Variants in CHURC1 observed in about 807,000 individuals in gnomAD.
CHURC1 encodes the protein churchill domain containing 1, also known as protein Churchill.
CHURC1 carries 12 observed loss-of-function variants against 15.4 expected under a neutral mutation model. The observed-to-expected ratio is 0.78, with a 90% CI of 0.50 to 1.27. CHURC1 has a LOEUF of 1.27. CHURC1 is among the 50% of genes most tolerant of loss of function. The pLI is 0.00. For missense variants in CHURC1, 132 were observed against 137.8 expected, an observed-to-expected ratio of 0.96 and a Z score of 0.21; for synonymous variants, 42 against 47.5, an observed-to-expected ratio of 0.88 and a Z score of 0.48.
chr14:64,932,351 T>G lies in CHURC1; in HGVS notation c.*121T>G. 3 of 1,470,030 alleles carry G rather than the reference T, an allele frequency of 2.0e-6. No homozygotes were observed. Among genetic ancestry groups the G allele is most frequent in the Non-Finnish European group, 2.7e-6 (3 of 1,108,766 alleles). The allele number at this position is 1,470,030 out of a possible 1,614,324, so 91.1% of individuals were successfully genotyped here. ...TGCATATTTTTTTTCTGCTTAGACT[T>G]ACTTATTCTTTGAGGAAAAAAGGTA... On this transcript the variant is annotated 3_prime_UTR_variant, in exon 4 of 4. Transcript: ENST00000549115.
At chr14:64,915,207 A>G (rs1883786617) in intron 1 of CHURC1, among the ~76,000 whole-genome samples, 1 of 152,240 alleles carries the variant, frequency 6.6e-6, no homozygotes, top group South Asian at 2.1e-4. Flanking sequence ...GCTGTTGCCC[A>G]GGCTGGTCTC....
At chr14:64,929,354 G>A (rs1172267192) in intron 3 of CHURC1, among the ~76,000 whole-genome samples, 5 of 152,114 alleles carry the variant, frequency 3.3e-5, no homozygotes, top group African/African-American at 1.2e-4. Flanking sequence ...TGCTCTTCAA[G>A]CCTATGCATC....
intron 1 of CHURC1, among the ~76,000 whole-genome samples, chr14:64,917,788 C>T (rs902105581): frequency 2.0e-5 from 3 of 152,118 alleles, no homozygotes; most frequent in Non-Finnish European, 4.4e-5. Flanking sequence ...GAGACCTATA[C>T]ATGATCACAT....
chr14:64,928,704 C>T (rs1445821661), intron 3 of CHURC1, among the ~76,000 whole-genome samples: 1 of 149,952 alleles, frequency 6.7e-6, no homozygotes, highest in Non-Finnish European at 1.5e-5. Flanking sequence ...TTCTCTCTTA[C>T]ATGGCTTCTG....
At chr14:64,925,002 A>C (rs923525939) in intron 2 of CHURC1, among the ~76,000 whole-genome samples, 1 of 152,172 alleles carries the variant, frequency 6.6e-6, no homozygotes, top group African/African-American at 2.4e-5. Flanking sequence ...TCTTTTTAGC[A>C]TATGTTTTCT....
In CHURC1 at chr14:64,932,341, T is replaced by G; in HGVS notation, c.*111T>G. 6.7e-7 allele frequency: 1 copy of G among 1,502,434 alleles called. No homozygotes were observed. 93.1% of individuals were successfully genotyped at this position (1,502,434 alleles called of 1,614,324 possible). On this transcript the variant is annotated 3_prime_UTR_variant, in exon 4 of 4. Coordinates refer to ENST00000549115, the MANE Select transcript of CHURC1 (RefSeq NM_001386928.1). ...GAAAATTCTTTGCATATTTTTTTTC[T>G]GCTTAGACTTACTTATTCTTTGAGG...
chr14:64,927,979 A>G (rs191250383), intron 3 of CHURC1, among the ~76,000 whole-genome samples: 13 of 152,026 alleles, frequency 8.6e-5, no homozygotes, highest in African/African-American at 2.9e-4. Context: ...CTACAGTACA[A>G]TATCCAAGCT....
At chr14:64,926,192 A>G in intron 3 of CHURC1, 112 bp downstream of exon 3, 1 of 514,950 alleles carries the variant, frequency 1.9e-6, no homozygotes, top group Non-Finnish European at 3.2e-6. Context: ...GCGTTAGCAT[A>G]TATTAAAGGA....
At chr14:64,930,159 G>T (rs531888495) in intron 3 of CHURC1, among the ~76,000 whole-genome samples, 1 of 151,468 alleles carries the variant, frequency 6.6e-6, no homozygotes, top group Non-Finnish European at 1.5e-5. Context: ...AGGTAATTCC[G>T]CCCACTCTGC....
intron 3 of CHURC1, among the ~76,000 whole-genome samples, chr14:64,926,766 C>A (rs1884739559): frequency 6.6e-6 from 1 of 152,108 alleles, no homozygotes; most frequent in African/African-American, 2.4e-5. Flanking sequence ...AACACAGAAC[C>A]ACTGTGAAGC....
Position 64,934,491 on chromosome 14 carries a change from T to C in CHURC1, c.*2261T>C. ...GGATCTGGCAAGGTTAGGAAGAGGT[T>C]AAGAATATCAGTGACAGTACTCTGA... On this transcript the variant is annotated 3_prime_UTR_variant, in exon 4 of 4. Transcript: ENST00000549115. 3.0e-6 allele frequency: 3 copies of C among 985,442 alleles called. No homozygotes were observed. The African/African-American group carries it at 5.2e-5, about 17-fold the overall frequency. The allele number at this position is 985,442 out of a possible 1,614,324, so 61.0% of individuals were successfully genotyped here. A position where few individuals can be genotyped will look rare whatever the true frequency, so the allele number is the denominator to read the frequency against.
intron 1 of CHURC1, among the ~76,000 whole-genome samples, chr14:64,920,516 G>C (rs1296210650): frequency 6.6e-6 from 1 of 152,176 alleles, no homozygotes; most frequent in East Asian, 1.9e-4. Context: ...GCTTTCAAAT[G>C]ACCAGGGCTC....
chr14:64,927,716 ACC>A lies in CHURC1; in HGVS notation c.246+1646_246+1647del, dbSNP rs1172402751. Reference sequence around the variant, plus strand: ...CTACTCCCAGTCTACTTCTCCCCCCACCCCCCCCCCCGCCGTCAATTCATACT... The same window carrying A: ...CTACTCCCAGTCTACTTCTCCCCCCACCCCCCCCCGCCGTCAATTCATACT... On this transcript the variant is annotated intron_variant, in intron 3 of 3. Transcript: ENST00000549115. 2.2e-4 allele frequency among the ~76,000 whole-genome samples: 9 copies of A among 40,706 alleles called. No individual in the cohort carries two copies. The South Asian group carries it at 4.7e-3, about 21-fold the overall frequency. 26.7% of individuals were successfully genotyped at this position (40,706 alleles called of 152,430 possible).
At position 64,934,982 on chromosome 14, in the gene CHURC1, A is replaced by G. The variant is rs1206765628; in HGVS notation, c.*2752A>G. On this transcript the variant is annotated 3_prime_UTR_variant, in exon 4 of 4. Coordinates refer to ENST00000549115, the MANE Select transcript of CHURC1 (RefSeq NM_001386928.1). ...TTCTTATGTGGATCTAATAACGACC[A>G]CTTGAACCCAGTTTCACAGAATCCT... The G allele has an allele frequency of 1.0e-6, 1 of 984,264 alleles. No homozygotes were observed. The highest frequency in any genetic ancestry group is 1.1e-4 in the East Asian group (1 of 8,824). 61.0% of individuals were successfully genotyped at this position (984,264 alleles called of 1,614,324 possible). A position where few individuals can be genotyped will look rare whatever the true frequency, so the allele number is the denominator to read the frequency against.
intron 1 of CHURC1, among the ~76,000 whole-genome samples, chr14:64,915,049 T>C (rs571554251): frequency 2.0e-5 from 3 of 152,256 alleles, no homozygotes; most frequent in Admixed American, 6.5e-5. Context: ...GCCTTCTGAA[T>C]CTCAGTTACT....
At chr14:64,922,309 T>C (rs1196860909) in intron 1 of CHURC1, among the ~76,000 whole-genome samples, 1 of 151,842 alleles carries the variant, frequency 6.6e-6, no homozygotes, top group Non-Finnish European at 1.5e-5. Context: ...CTGGGCACAG[T>C]GGCTCATTCC....
At position 64,934,593 on chromosome 14, in the gene CHURC1, TC is replaced by T; in HGVS notation, c.*2365del. ...CTGTTGCAGGGATCAGTTGTTTTATTCCTGGAAAATGTTTTTCATTTTGCTG... is the reference window on the plus strand; with the variant it reads ...CTGTTGCAGGGATCAGTTGTTTTATTCTGGAAAATGTTTTTCATTTTGCTG... On this transcript the variant is annotated 3_prime_UTR_variant, in exon 4 of 4. Coordinates refer to ENST00000549115, the MANE Select transcript of CHURC1 (RefSeq NM_001386928.1). 1.0e-6 allele frequency: 1 copy of T among 985,416 alleles called. No homozygotes were observed. The highest frequency in any genetic ancestry group is 1.2e-6 in the Non-Finnish European group (1 of 829,924). 61.0% of individuals were successfully genotyped at this position (985,416 alleles called of 1,614,324 possible).
chr14:64,927,721 C>CA (rs1555383705), intron 3 of CHURC1, among the ~76,000 whole-genome samples: 2 of 88,752 alleles, frequency 2.3e-5, no homozygotes, highest in African/African-American at 9.4e-5. Context: ...CCCCCACCCC[C>CA]CCCCCCGCCG....
At position 64,932,317 on chromosome 14, in the gene CHURC1, A is replaced by G; in HGVS notation, c.*87A>G. 3.9e-6 allele frequency: 6 copies of G among 1,540,394 alleles called. No homozygotes were observed. The highest frequency in any genetic ancestry group is 5.3e-6 in the Non-Finnish European group (6 of 1,140,984). On this transcript the variant is annotated 3_prime_UTR_variant, in exon 4 of 4. Transcript: ENST00000549115. ...GGTTTGTCTTATTTCATTCATACTGAAAATTCTTTGCATATTTTTTTTCTG... is the reference window on the plus strand; with the variant it reads ...GGTTTGTCTTATTTCATTCATACTGGAAATTCTTTGCATATTTTTTTTCTG...
Sources: gnomAD v4.1 joint callset for allele counts (sites outside exome capture counted in the v4.1 genomes callset) on GRCh38, gnomAD v4.1.1 for gene constraint, MANE v1.5 for transcripts, NCBI Gene and HGNC (gene_info 2026-07-23, HGNC 2026-07-21) for gene names.